CDKAL1: variants seen among roughly 807,000 people sequenced by gnomAD.
CDKAL1 encodes the protein threonylcarbamoyladenosine tRNA methylthiotransferase.
Under a neutral mutation model 68.2 loss-of-function variants are expected in CDKAL1, and 32 were observed. The observed-to-expected ratio is 0.47, with a 90% CI of 0.35 to 0.63. CDKAL1 has a LOEUF of 0.63. Ranked by LOEUF, CDKAL1 falls within the 30% of genes least tolerant of loss-of-function variation. The pLI is 0.00. For missense variants in CDKAL1, 606 were observed against 696.7 expected (o/e 0.87, Z 1.47); for synonymous variants, 234 against 244.3 (o/e 0.96, Z 0.39).
chr6:21,058,313 T>G (rs1297069331), intron 11 of CDKAL1, among the ~76,000 whole-genome samples: 2 of 152,252 alleles, frequency 1.3e-5, no homozygotes, highest in Non-Finnish European at 2.9e-5. Flanking sequence ...AAATCTGTTT[T>G]GTCATAAACT....
At chr6:20,991,706 CAAAAAAAAA>C (rs35504365) in intron 10 of CDKAL1, among the ~76,000 whole-genome samples, 11 of 59,620 alleles carry the variant, frequency 1.8e-4, no homozygotes, top group African/African-American at 6.0e-4. Context: ...TATTCCCTCT[CAAAAAAAAA>C]AAAAAAAAAA....
intron 11 of CDKAL1, among the ~76,000 whole-genome samples, chr6:21,034,681 T>G (rs1337117595): frequency 6.6e-6 from 1 of 152,180 alleles, no homozygotes; most frequent in African/African-American, 2.4e-5. Context: ...TGCCTACAAG[T>G]TTAACACATC....
chr6:21,223,679 G>T (rs1189036948), intron 15 of CDKAL1, among the ~76,000 whole-genome samples: 1 of 152,150 alleles, frequency 6.6e-6, no homozygotes, highest in Non-Finnish European at 1.5e-5. Context: ...GGAGGCAAAG[G>T]AATAAGTAGA....
In CDKAL1 at chr6:20,755,448, A is replaced by AT. The variant is rs1204690174; in HGVS notation, c.469-3140dup. ...TTTCTCCTTCCTTTTTTTCCCCTTC[A>AT]TTTTTTTCTTTCTCCAACCCCCAGC... is the stretch of plus-strand genomic sequence containing the variant. On this transcript the variant is annotated intron_variant, in intron 6 of 15. Coordinates refer to ENST00000274695, the MANE Select transcript of CDKAL1 (RefSeq NM_017774.3). 1.2e-4 allele frequency among the ~76,000 whole-genome samples: 18 copies of AT among 149,040 alleles called. No individual in the cohort carries two copies. The South Asian group carries it at 1.5e-3, about 12-fold the overall frequency.
intron 10 of CDKAL1, among the ~76,000 whole-genome samples, chr6:20,991,790 T>C (rs576378802): frequency 6.7e-6 from 1 of 148,758 alleles, no homozygotes; most frequent in East Asian, 2.0e-4. Flanking sequence ...CTGAGGTGCG[T>C]ACATGGCTCC....
At chr6:20,857,056 A>G (rs537241822) in intron 9 of CDKAL1, among the ~76,000 whole-genome samples, 1 of 152,292 alleles carries the variant, frequency 6.6e-6, no homozygotes, top group South Asian at 2.1e-4. Flanking sequence ...TCCTGCCTGG[A>G]AAAAGAAATG....
chr6:20,616,839 C>CACACA (rs1766928603), intron 4 of CDKAL1, among the ~76,000 whole-genome samples: 6 of 121,312 alleles, frequency 4.9e-5, no homozygotes, highest in Non-Finnish European at 1.0e-4. Flanking sequence ...CCCGACTCTA[C>CACACA]CACACACACA....
At chr6:20,813,271 G>C (rs1357297701) in intron 8 of CDKAL1, among the ~76,000 whole-genome samples, 1 of 152,058 alleles carries the variant, frequency 6.6e-6, no homozygotes, top group Non-Finnish European at 1.5e-5. Context: ...TAGGTTGAGT[G>C]CCTACTCAAA....
chr6:21,143,061 T>C (rs1776000867), intron 13 of CDKAL1, among the ~76,000 whole-genome samples: 1 of 152,224 alleles, frequency 6.6e-6, no homozygotes, highest in Admixed American at 6.5e-5. Flanking sequence ...CTATGCAGCA[T>C]GTAGCCAAAT....
chr6:20,918,587 T>C (rs1353800428), intron 9 of CDKAL1, among the ~76,000 whole-genome samples: 2 of 152,248 alleles, frequency 1.3e-5, no homozygotes, highest in African/African-American at 4.8e-5. Context: ...ATACACATTC[T>C]ATGATTCTAC....
intron 5 of CDKAL1, among the ~76,000 whole-genome samples, chr6:20,653,077 G>A (rs1186938565): frequency 6.6e-6 from 1 of 152,148 alleles, no homozygotes; most frequent in East Asian, 1.9e-4. Flanking sequence ...ATGTTAATGG[G>A]TGTAAATTCA....
intron 9 of CDKAL1, among the ~76,000 whole-genome samples, chr6:20,926,834 A>G (rs1763207787): frequency 6.6e-6 from 1 of 151,230 alleles, no homozygotes; most frequent in Non-Finnish European, 1.5e-5. Context: ...GAGAAATGGA[A>G]AATCAATTTC....
At chr6:21,192,183 G>A (rs1180371748) in intron 13 of CDKAL1, among the ~76,000 whole-genome samples, 4 of 148,034 alleles carry the variant, frequency 2.7e-5, no homozygotes, top group East Asian at 3.9e-4. Flanking sequence ...CACCGCGCCC[G>A]GCTAATTTTT....
At chr6:21,154,909 C>T (rs934899996) in intron 13 of CDKAL1, among the ~76,000 whole-genome samples, 2 of 152,052 alleles carry the variant, frequency 1.3e-5, no homozygotes, top group Non-Finnish European at 2.9e-5. Context: ...AGGGGAATCA[C>T]TTGAACCCAG....
At chr6:20,839,043 G>T (rs1035455413) in intron 8 of CDKAL1, among the ~76,000 whole-genome samples, 3 of 150,264 alleles carry the variant, frequency 2.0e-5, no homozygotes, top group Non-Finnish European at 4.4e-5. Context: ...TCTACATATT[G>T]TGTGTCAATT....
At chr6:20,986,255 G>A (rs992760836) in intron 10 of CDKAL1, among the ~76,000 whole-genome samples, 3 of 152,052 alleles carry the variant, frequency 2.0e-5, no homozygotes, top group African/African-American at 4.8e-5. Context: ...AGCTTTATAT[G>A]TTAGTCTTTG....
intron 4 of CDKAL1, among the ~76,000 whole-genome samples, chr6:20,606,801 CTG>C (rs1325999400): frequency 1.3e-5 from 2 of 152,176 alleles, no homozygotes; most frequent in Non-Finnish European, 1.5e-5. Context: ...AATTGCAAAA[CTG>C]TCTGCCAATG....
chr6:20,660,143 C>T (rs2127770098), intron 5 of CDKAL1, among the ~76,000 whole-genome samples: 2 of 152,296 alleles, frequency 1.3e-5, no homozygotes, highest in Middle Eastern at 6.8e-3. Flanking sequence ...CTTCACCTCA[C>T]CTCTTAGCTC....
intron 6 of CDKAL1, among the ~76,000 whole-genome samples, chr6:20,755,887 A>AT (rs1434500728): frequency 6.6e-6 from 1 of 152,198 alleles, no homozygotes; most frequent in Non-Finnish European, 1.5e-5. Context: ...ATTTGAAAAC[A>AT]TTCATTCTGT....
Sources: gnomAD v4.1 joint callset for allele counts (sites outside exome capture counted in the v4.1 genomes callset) on GRCh38, gnomAD v4.1.1 for gene constraint, MANE v1.5 for transcripts, NCBI Gene and HGNC (gene_info 2026-07-23, HGNC 2026-07-21) for gene names.